Variants in SEM1 observed in about 807,000 individuals in gnomAD.
The protein encoded by SEM1 is 26S proteasome complex subunit SEM1.
Under a neutral mutation model 12.7 loss-of-function variants are expected in SEM1, and 3 were observed. That is an observed-to-expected ratio of 0.24 (90% CI 0.11 to 0.61). The LOEUF (loss-of-function observed/expected upper bound fraction) is 0.61. SEM1 is among the 20% of genes least tolerant of loss of function. SEM1 has a pLI of 0.88. For missense variants in SEM1, 59 were observed against 81.3 expected, an observed-to-expected ratio of 0.73 and a Z score of 1.06; for synonymous variants, 30 against 27.8, an observed-to-expected ratio of 1.08 and a Z score of -0.25.
chr7:96,505,920 G>A (rs1435178940), intron 3 of SEM1, among the ~76,000 whole-genome samples: 1 of 152,050 alleles, frequency 6.6e-6, no homozygotes, highest in African/African-American at 2.4e-5. Flanking sequence ...TAATATATAG[G>A]GAACCTGGGA....
downstream of SEM1, chr7:96,622,480 A>T (rs1807926349): frequency 1.6e-6 from 1 of 615,016 alleles, no homozygotes; most frequent in South Asian, 2.0e-5. Flanking sequence ...AAATAGTAGT[A>T]GTATTTTCCT....
chr7:96,586,673 T>C (rs1806647610), intron 2 of SEM1, among the ~76,000 whole-genome samples: 1 of 152,208 alleles, frequency 6.6e-6, no homozygotes, highest in Admixed American at 6.5e-5. Flanking sequence ...GAAGAGGAGA[T>C]TTGAGGCTGG....
At chr7:96,635,388 C>T (rs1424863899) in intron 2 of SEM1, among the ~76,000 whole-genome samples, 12 of 151,984 alleles carry the variant, frequency 7.9e-5, no homozygotes, top group Non-Finnish European at 2.9e-5. Flanking sequence ...GGGCAATAAT[C>T]GATGATTATA....
chr7:96,544,377 A>G (rs903535968), intron 2 of SEM1, among the ~76,000 whole-genome samples: 2 of 152,008 alleles, frequency 1.3e-5, no homozygotes, highest in African/African-American at 4.8e-5. Context: ...GCTTTTTTAA[A>G]TAGGATTTTT....
At chr7:96,686,195 T>C (rs1217683764), downstream of SEM1, among the ~76,000 whole-genome samples, 1 of 152,140 alleles carries the variant, frequency 6.6e-6, no homozygotes, top group African/African-American at 2.4e-5. Flanking sequence ...ATCTACAAAT[T>C]GTAAAATTTC....
chr7:96,541,442 T>G (rs868390212), intron 2 of SEM1, among the ~76,000 whole-genome samples: 735 of 124,690 alleles, frequency 5.9e-3, no homozygotes, highest in Middle Eastern at 0.013. Flanking sequence ...TTTTTTTTTT[T>G]GTTTTTTTTT....
intron 2 of SEM1, among the ~76,000 whole-genome samples, chr7:96,583,704 T>G (rs1806500575): frequency 6.6e-6 from 1 of 150,734 alleles, no homozygotes; most frequent in Non-Finnish European, 1.5e-5. Flanking sequence ...TCTTGTTGAA[T>G]TGATCCCTTT....
intron 2 of SEM1, among the ~76,000 whole-genome samples, chr7:96,634,544 G>A (rs1455907361): frequency 2.7e-5 from 4 of 149,538 alleles, no homozygotes; most frequent in African/African-American, 9.8e-5. Context: ...GACAGACAAT[G>A]CTCTTTTTCT....
At chr7:96,544,585 A>C (rs1329882681) in intron 2 of SEM1, among the ~76,000 whole-genome samples, 1 of 152,008 alleles carries the variant, frequency 6.6e-6, no homozygotes, top group East Asian at 1.9e-4. Context: ...CTTAAACAAC[A>C]TGGGGGTTAG....
intron 2 of SEM1, among the ~76,000 whole-genome samples, chr7:96,656,280 A>C (rs911847064): frequency 6.6e-6 from 1 of 152,144 alleles, no homozygotes; most frequent in Non-Finnish European, 1.5e-5. Context: ...TCTTAGTTGG[A>C]GTCCTCATGC....
At chr7:96,584,856 G>C (rs1563072348) in intron 2 of SEM1, among the ~76,000 whole-genome samples, 1 of 151,088 alleles carries the variant, frequency 6.6e-6, no homozygotes, top group Non-Finnish European at 1.5e-5. Context: ...GATTATTCTA[G>C]TTATACATTC....
At chr7:96,638,450 AT>A (rs1160835736) in intron 2 of SEM1, among the ~76,000 whole-genome samples, 1 of 151,980 alleles carries the variant, frequency 6.6e-6, no homozygotes, top group Non-Finnish European at 1.5e-5. Context: ...TTTTTAAACA[AT>A]ATATATTTTT....
intron 2 of SEM1, among the ~76,000 whole-genome samples, chr7:96,632,282 T>C (rs1489401349): frequency 6.6e-6 from 1 of 152,144 alleles, no homozygotes; most frequent in Admixed American, 6.5e-5. Context: ...CTGGTCACAA[T>C]AGCAAAGACT....
intron 2 of SEM1, among the ~76,000 whole-genome samples, chr7:96,580,484 C>T (rs1418582073): frequency 6.6e-6 from 1 of 151,616 alleles, no homozygotes; most frequent in Non-Finnish European, 1.5e-5. Context: ...GGTCTATACC[C>T]AGTAATGGGA....
chr7:96,595,260 C>T (rs543866654), intron 2 of SEM1, among the ~76,000 whole-genome samples: 38 of 152,182 alleles, frequency 2.5e-4, no homozygotes, highest in African/African-American at 8.9e-4. Context: ...CACCTGTAAT[C>T]CCAGCACTTT....
At chr7:96,615,436 G>T (rs1421983470) in intron 2 of SEM1, among the ~76,000 whole-genome samples, 1 of 151,744 alleles carries the variant, frequency 6.6e-6, no homozygotes, top group Non-Finnish European at 1.5e-5. Flanking sequence ...TGTATTTTTG[G>T]TAGAGACAAG....
At chr7:96,584,837 C>T (rs11976172) in intron 2 of SEM1, among the ~76,000 whole-genome samples, 45,231 of 149,200 alleles carry the variant, frequency 0.3, 6,865 homozygotes, top group Middle Eastern at 0.32. Flanking sequence ...TTAAGCACTT[C>T]TCTGTATTGA....
downstream of SEM1, among the ~76,000 whole-genome samples, chr7:96,619,400 CAT>C (rs142512368): frequency 0.12 from 17,968 of 152,052 alleles, 1,127 homozygotes; most frequent in Non-Finnish European, 0.14. Flanking sequence ...TGACTTAAGG[CAT>C]AGCTATTAGC....
At chr7:96,614,192 T>C (rs186737502) in intron 2 of SEM1, among the ~76,000 whole-genome samples, 9 of 152,352 alleles carry the variant, frequency 5.9e-5, no homozygotes, top group Admixed American at 3.3e-4. Context: ...CATATAGAGA[T>C]TGTTCCATTG....
Sources: allele counts gnomAD v4.1 joint callset (sites outside exome capture counted in the v4.1 genomes callset), GRCh38; gene constraint gnomAD v4.1.1; transcripts MANE v1.5; gene names NCBI Gene and HGNC (gene_info 2026-07-23, HGNC 2026-07-21).